The following ZNF454 variants were observed in gnomAD, a reference collection of about 807,000 sequenced individuals.
ZNF454 encodes the protein zinc finger protein 454.
In ZNF454, 30 loss-of-function variants were observed where a neutral mutation model predicts 48.2. The observed-to-expected ratio is 0.62, with a 90% CI of 0.47 to 0.84. The LOEUF (loss-of-function observed/expected upper bound fraction) is 0.84, where lower values mean the gene tolerates loss of function less well. Ranked by LOEUF, ZNF454 falls within the 40% of genes least tolerant of loss-of-function variation. The pLI, the probability that ZNF454 is intolerant of heterozygous loss-of-function variation, is 0.00. For missense variants in ZNF454, 510 were observed against 623.1 expected, an observed-to-expected ratio of 0.82 and a Z score of 1.93; for synonymous variants, 204 against 211.4, an observed-to-expected ratio of 0.97 and a Z score of 0.30.
the ZNF454 span, chr5:178,983,097 G>A: frequency 6.2e-7 from 1 of 1,614,062 alleles, no homozygotes; most frequent in Non-Finnish European, 8.5e-7. Context: ...GCCGATGAGA[G>A]ACAGATCCGA....
chr5:178,979,069 T>A, the ZNF454 span: 1 of 152,226 alleles, frequency 6.6e-6, no homozygotes, highest in African/African-American at 2.4e-5. Flanking sequence ...CTGGGCAACA[T>A]AGTGAGACCT....
At chr5:178,950,078 GC>G (rs1759493131) in intron 4 of ZNF454, among the ~76,000 whole-genome samples, 1 of 151,488 alleles carries the variant, frequency 6.6e-6, no homozygotes. Context: ...TCACTATGTT[GC>G]CCAGGCTGGT....
chr5:178,942,633 C>T, intron 1 of ZNF454, 52 bp from the exon 2 acceptor site: 1 of 688,448 alleles, frequency 1.5e-6, no homozygotes, highest in Non-Finnish European at 2.4e-6. Flanking sequence ...ATGCTCACTG[C>T]CTCGCTCTGG....
the ZNF454 span, chr5:178,986,511 C>A: frequency 1.2e-6 from 2 of 1,608,882 alleles, no homozygotes; most frequent in Non-Finnish European, 8.5e-7. Context: ...AGGGGGAGGA[C>A]CAGCTCAGGC....
In ZNF454 at chr5:178,944,252, G is replaced by A. The variant is rs1181472495; in HGVS notation, c.33+1428G>A. ...ACCGGCTGTTCCCCTCCTCCTCTTGGCTTCTGACTTGTCACTTAGGACCCT... is the reference window on the plus strand; with the variant it reads ...ACCGGCTGTTCCCCTCCTCCTCTTGACTTCTGACTTGTCACTTAGGACCCT... On this transcript the variant is annotated intron_variant, in intron 2 of 4. Transcript: ENST00000519564. This position sits in a 1 kb window ranked among gnomAD's most constrained non-coding sequence, Gnocchi z 4.1. Among the ~76,000 whole-genome samples, 2 of 152,084 alleles carry A rather than the reference G, an allele frequency of 1.3e-5. No homozygotes were observed. Among genetic ancestry groups the A allele is most frequent in the African/African-American group, 4.8e-5 (2 of 41,414 alleles).
chr5:178,973,825 A>G, the ZNF454 span, among the ~76,000 whole-genome samples: 1 of 145,196 alleles, frequency 6.9e-6, no homozygotes, highest in South Asian at 2.4e-4. Flanking sequence ...CCTGGGCGAC[A>G]GAGCAAGACT....
intron 4 of ZNF454, among the ~76,000 whole-genome samples, chr5:178,952,816 G>A (rs990297938): frequency 1.3e-5 from 2 of 151,922 alleles, no homozygotes; most frequent in African/African-American, 4.8e-5. Flanking sequence ...GACTAAACAT[G>A]TGACTTTGCT....
chr5:178,946,582 G>A lies in ZNF454; in HGVS notation c.160+97G>A. The A allele has an allele frequency of 1.4e-6, 2 of 1,454,962 alleles. No homozygotes were observed. The highest frequency in any genetic ancestry group is 1.8e-6 in the Non-Finnish European group (2 of 1,085,166). 90.1% of individuals were successfully genotyped at this position (1,454,962 alleles called of 1,614,324 possible). ...TAGAAGAGTCGGTTGGACCAACTGAGGACGCTGTCTTCAAGGGTGCCATTA... is the reference window on the plus strand; with the variant it reads ...TAGAAGAGTCGGTTGGACCAACTGAAGACGCTGTCTTCAAGGGTGCCATTA... On this transcript the variant is annotated intron_variant, in intron 3 of 4. Coordinates refer to ENST00000519564, the MANE Select transcript of ZNF454 (RefSeq NM_001178089.3). This position sits in a 1 kb window ranked among gnomAD's most constrained non-coding sequence, Gnocchi z 4.5.
chr5:178,983,778 C>T, the ZNF454 span, among the ~76,000 whole-genome samples: 23 of 152,264 alleles, frequency 1.5e-4, no homozygotes, highest in African/African-American at 5.3e-4. Context: ...GATGGAGTTA[C>T]CACTCCCTCA....
chr5:178,981,806 A>C, the ZNF454 span: 207 of 1,612,566 alleles, frequency 1.3e-4, no homozygotes, highest in Middle Eastern at 2.6e-3. The surrounding 1 kb of genome is among the most constrained non-coding windows in gnomAD (Gnocchi z 5.1). Flanking sequence ...AGGGACACCG[A>C]GGCACTCAGG....
chr5:178,943,268 A>T (rs2113168086), intron 2 of ZNF454, among the ~76,000 whole-genome samples: 1 of 152,264 alleles, frequency 6.6e-6, no homozygotes, highest in East Asian at 1.9e-4. Flanking sequence ...AGGACTTTAA[A>T]AGCTTCCAAT....
chr5:178,945,628 GTT>G (rs1214645970), intron 2 of ZNF454, among the ~76,000 whole-genome samples: 1 of 148,272 alleles, frequency 6.7e-6, no homozygotes, highest in Non-Finnish European at 1.5e-5. Flanking sequence ...ATGGGTGTGT[GTT>G]TTGTGTGTGT....
Position 178,944,698 on chromosome 5 carries a change from G to A in ZNF454, c.34-1661G>A, listed in dbSNP as rs1759243550. ...ACAGCTAGATGTTGACTGTGGAAGT[G>A]GGATCTACAATAACCTGAGAGTCCT... On this transcript the variant is annotated intron_variant, in intron 2 of 4. Coordinates refer to ENST00000519564, the MANE Select transcript of ZNF454 (RefSeq NM_001178089.3). The surrounding 1 kb of genome is among the most constrained non-coding windows in gnomAD (Gnocchi z 4.1). Among the ~76,000 whole-genome samples the A allele has an allele frequency of 1.3e-5, 2 of 152,226 alleles. No individual in the cohort carries two copies. The highest frequency in any genetic ancestry group is 2.4e-5 in the African/African-American group (1 of 41,458).
chr5:178,983,114 G>A, the ZNF454 span: 13 of 1,613,890 alleles, frequency 8.1e-6, no homozygotes, highest in East Asian at 2.2e-5. Context: ...CCGACATGTC[G>A]CACTTGAGCA....
At chr5:178,983,958 C>G in the ZNF454 span, among the ~76,000 whole-genome samples, 1 of 152,222 alleles carries the variant, frequency 6.6e-6, no homozygotes, top group Non-Finnish European at 1.5e-5. Context: ...GCCTGCATGC[C>G]AGTGCCATGC....
At chr5:178,975,514 G>A in the ZNF454 span, among the ~76,000 whole-genome samples, 1 of 152,202 alleles carries the variant, frequency 6.6e-6, no homozygotes, top group African/African-American at 2.4e-5. Flanking sequence ...GAAAAGACAT[G>A]TGTACAAAAG....
chr5:178,983,924 G>A, the ZNF454 span, among the ~76,000 whole-genome samples: 2 of 152,212 alleles, frequency 1.3e-5, no homozygotes, highest in Non-Finnish European at 2.9e-5. Flanking sequence ...GCCTGATTGG[G>A]GGCAGGGGTG....
Position 178,965,881 on chromosome 5 carries a change from G to A in ZNF454, c.1477G>A (p.Glu493Lys). 2.5e-6 allele frequency: 4 copies of A among 1,613,632 alleles called. No individual in the cohort carries two copies. The highest frequency in any genetic ancestry group is 3.4e-6 in the Non-Finnish European group (4 of 1,179,906). The change falls in exon 5 of 5, where the codon GAG (glutamate) becomes AAG (lysine). Residue 493 changes from glutamate (E) to lysine (K), a missense_variant. By Grantham distance (56) the Glu-to-Lys change is moderately conservative. Transcript: ENST00000519564. This position sits in a 1 kb window ranked among gnomAD's most constrained non-coding sequence, Gnocchi z 5.2. ...TCAACATCAGAGGATTCACACAGGA[G>A]AGAAACCCTATAAATGTAATAAATG... ...LTQHQRIHTG[E>K]KPYKCNKCGK...
At chr5:178,953,647 G>A (rs1290458587) in intron 4 of ZNF454, among the ~76,000 whole-genome samples, 1 of 152,122 alleles carries the variant, frequency 6.6e-6, no homozygotes, top group Non-Finnish European at 1.5e-5. Context: ...ACCCTAGCCT[G>A]TCTGTAGATG....
Sources: gnomAD v4.1 joint callset for allele counts (sites outside exome capture counted in the v4.1 genomes callset) on GRCh38, gnomAD v4.1.1 for gene constraint, Gnocchi (gnomAD v3.1) non-coding constraint, MANE v1.5 for transcripts, NCBI Gene and HGNC (gene_info 2026-07-23, HGNC 2026-07-21) for gene names.